The following ICA1 variants were observed in gnomAD, a reference collection of about 807,000 sequenced individuals.
ICA1 encodes 69 kDa islet cell autoantigen.
A neutral mutation model predicts 71.0 loss-of-function variants in ICA1; 40 were observed. The observed-to-expected ratio is 0.56, with a 90% CI of 0.44 to 0.73. The LOEUF is 0.73. Ranked by LOEUF, ICA1 falls within the 30% of genes least tolerant of loss-of-function variation. ICA1 has a pLI of 0.00. For missense variants in ICA1, 578 were observed against 576.5 expected, an observed-to-expected ratio of 1.00 and a Z score of -0.03; for synonymous variants, 207 against 209.5, an observed-to-expected ratio of 0.99 and a Z score of 0.10.
intron 6 of ICA1, among the ~76,000 whole-genome samples, chr7:8,201,289 T>G (rs1176148431): frequency 6.6e-6 from 1 of 152,202 alleles, no homozygotes; most frequent in Non-Finnish European, 1.5e-5. Context: ...AAACTCGGGC[T>G]TTTTAAAGGA....
At chr7:8,203,774 G>A (rs1220167985) in intron 6 of ICA1, among the ~76,000 whole-genome samples, 3 of 152,258 alleles carry the variant, frequency 2.0e-5, no homozygotes, top group Middle Eastern at 3.4e-3. Context: ...TCTTATGACC[G>A]CAAACCTTTC....
At chr7:8,256,965 C>T (rs11769978) in intron 1 of ICA1, among the ~76,000 whole-genome samples, 69,454 of 152,090 alleles carry the variant, frequency 0.46, 18,391 homozygotes, top group African/African-American at 0.73. Context: ...TTTAGAAGGA[C>T]GAAGTAATTT....
chr7:8,189,427 C>T (rs901028358), intron 6 of ICA1, among the ~76,000 whole-genome samples: 19 of 152,210 alleles, frequency 1.2e-4, no homozygotes, highest in African/African-American at 4.3e-4. Context: ...GAACCCAGAA[C>T]ACACAGGCGG....
At chr7:8,126,310 T>C (rs1176617500) in intron 13 of ICA1, among the ~76,000 whole-genome samples, 1 of 152,128 alleles carries the variant, frequency 6.6e-6, no homozygotes, top group African/African-American at 2.4e-5. Flanking sequence ...CAGGGCTTCT[T>C]AGCACCTCCA....
At chr7:8,158,677 G>A in intron 6 of ICA1, 25 bp from the exon 7 acceptor site, 1 of 1,613,116 alleles carries the variant, frequency 6.2e-7, no homozygotes, top group South Asian at 1.1e-5. Flanking sequence ...AGGAATTTCT[G>A]AATCACCCTA....
intron 9 of ICA1, 128 bp downstream of exon 9, chr7:8,143,747 C>T: frequency 3.1e-6 from 2 of 641,424 alleles, no homozygotes; most frequent in South Asian, 1.9e-5. Flanking sequence ...GATGCTAATA[C>T]ATCTACTCTG....
intron 1 of ICA1, among the ~76,000 whole-genome samples, chr7:8,239,768 C>CCCAT (rs1377137959): frequency 6.6e-6 from 1 of 152,218 alleles, no homozygotes; most frequent in African/African-American, 2.4e-5. Flanking sequence ...CTCGGCAGGT[C>CCCAT]CCATGCCCAT....
At position 8,128,075 on chromosome 7, in the gene ICA1, C is replaced by G; in HGVS notation, c.1128G>C (p.Leu376Phe). Residue 376 changes from leucine (L) to phenylalanine (F), a missense_variant, in exon 13 of 14, where the codon TTG (leucine) becomes TTC (phenylalanine). Physicochemically the swap from Leu to Phe is conservative, Grantham distance 22. Transcript: ENST00000402384. The part of the protein sequence containing the change: ...EGADKDDLLL[L>F]SEIFNASSLE... ...AGGAGGAAGCATTGAAGATCTCACT[C>G]AACAGCAGCAGGTCATCTTTGTCAG... is the stretch of plus-strand genomic sequence containing the variant. 1 of 1,614,188 alleles carries G rather than the reference C, an allele frequency of 6.2e-7. No individual in the cohort carries two copies. Among genetic ancestry groups the G allele is most frequent in the Non-Finnish European group, 8.5e-7 (1 of 1,180,038 alleles).
At chr7:8,225,180 C>T (rs1192076064) in intron 4 of ICA1, among the ~76,000 whole-genome samples, 1 of 152,206 alleles carries the variant, frequency 6.6e-6, no homozygotes, top group Admixed American at 6.5e-5. Context: ...TGTCACAATT[C>T]TCACTGTGGT....
chr7:8,197,806 C>T (rs1364074613), intron 6 of ICA1, among the ~76,000 whole-genome samples: 1 of 151,858 alleles, frequency 6.6e-6, no homozygotes, highest in East Asian at 1.9e-4. Flanking sequence ...CCCAAGAAAG[C>T]TAAATCCAAA....
intron 6 of ICA1, among the ~76,000 whole-genome samples, chr7:8,164,136 C>G (rs1268248430): frequency 1.3e-5 from 2 of 151,740 alleles, no homozygotes; most frequent in Admixed American, 1.3e-4. Flanking sequence ...GAAACCCCGT[C>G]TCTACTAAAA....
At chr7:8,209,037 A>G (rs1481833822) in intron 6 of ICA1, among the ~76,000 whole-genome samples, 4 of 152,228 alleles carry the variant, frequency 2.6e-5, no homozygotes, top group Non-Finnish European at 5.9e-5. Context: ...CCAAGCTTGC[A>G]TGTGCCACCC....
chr7:8,174,470 T>C (rs924942050), intron 6 of ICA1, among the ~76,000 whole-genome samples: 4 of 151,908 alleles, frequency 2.6e-5, no homozygotes, highest in African/African-American at 9.7e-5. Flanking sequence ...CCCCACATTA[T>C]AGTGTGAGAA....
intron 13 of ICA1, among the ~76,000 whole-genome samples, chr7:8,122,278 G>A (rs1421320843): frequency 6.6e-6 from 1 of 152,222 alleles, no homozygotes; most frequent in Non-Finnish European, 1.5e-5. Flanking sequence ...TGTGGGAGGT[G>A]TGGACAGTGA....
intron 8 of ICA1, among the ~76,000 whole-genome samples, chr7:8,146,051 T>C (rs1796775456): frequency 6.6e-6 from 1 of 152,188 alleles, no homozygotes; most frequent in Non-Finnish European, 1.5e-5. Flanking sequence ...TAATGACTCC[T>C]ATTTCTGGAC....
intron 6 of ICA1, among the ~76,000 whole-genome samples, chr7:8,210,738 G>C (rs993802511): frequency 1.3e-5 from 2 of 152,012 alleles, no homozygotes; most frequent in East Asian, 3.9e-4. Flanking sequence ...TTTTTGAAAC[G>C]GGGTCTCACT....
intron 6 of ICA1, among the ~76,000 whole-genome samples, chr7:8,176,508 C>T (rs1474402265): frequency 6.6e-6 from 1 of 152,182 alleles, no homozygotes; most frequent in Non-Finnish European, 1.5e-5. Context: ...ACCCTCCAGA[C>T]TCTAAGCTGC....
intron 13 of ICA1, among the ~76,000 whole-genome samples, chr7:8,124,467 A>G (rs1027068518): frequency 6.6e-6 from 1 of 152,046 alleles, no homozygotes; most frequent in Admixed American, 6.6e-5. Context: ...AAAAAAAAAA[A>G]AAACTCAAGC....
rs540365231 is a variant in ICA1, at chr7:8,200,389, A to G, written c.579+17916T>C. 3.4e-5 allele frequency among the ~76,000 whole-genome samples: 5 copies of G among 145,020 alleles called. No individual in the cohort carries two copies. In the East Asian group the frequency reaches 1.0e-3, roughly 29 times the overall value. On this transcript the variant is annotated intron_variant, in intron 6 of 13. Coordinates refer to ENST00000402384, the MANE Select transcript of ICA1 (RefSeq NM_001136020.3). ...CAATTACAAAACAATATATTAGAAC[A>G]ATTACAAAGTACTATATTAATGAAA... is the stretch of plus-strand genomic sequence containing the variant.
Sources: allele counts gnomAD v4.1 joint callset (sites outside exome capture counted in the v4.1 genomes callset), GRCh38; gene constraint gnomAD v4.1.1; transcripts MANE v1.5; gene names NCBI Gene and HGNC (gene_info 2026-07-23, HGNC 2026-07-21).